Variants in GLG1 observed in about 807,000 individuals in gnomAD.
GLG1 encodes golgi glycoprotein 1.
In GLG1, 38 loss-of-function variants were observed where a neutral mutation model predicts 160.5. That is an observed-to-expected ratio of 0.24 (90% CI 0.18 to 0.31). The LOEUF is 0.31. Among genes scored for constraint, GLG1 ranks in the 10% least tolerant of loss-of-function variants. The pLI, the probability that GLG1 is intolerant of heterozygous loss-of-function variation, is 1.00. For missense variants in GLG1, 1,373 were observed against 1,505.2 expected (o/e 0.91, Z 1.45); for synonymous variants, 644 against 543.4 (o/e 1.19, Z -2.57).
intron 1 of GLG1, among the ~76,000 whole-genome samples, chr16:74,555,844 T>C (rs1378103585): frequency 6.6e-6 from 1 of 151,658 alleles, no homozygotes; most frequent in Non-Finnish European, 1.5e-5. Flanking sequence ...TTTTTTTCTT[T>C]TTCTTTTGAG....
chr16:74,589,256 CA>C (rs11311925), intron 1 of GLG1, among the ~76,000 whole-genome samples: 100,961 of 140,560 alleles, frequency 0.72, 35,528 homozygotes, highest in African/African-American at 0.83. Flanking sequence ...CTCTCTGTCT[CA>C]AAAAAAAAAA....
chr16:74,474,299 T>C (rs1250527080), intron 13 of GLG1: 1 of 416,078 alleles, frequency 2.4e-6, no homozygotes, highest in African/African-American at 2.0e-5. Context: ...CTAATGACTA[T>C]GATAAACCTA....
At chr16:74,487,905 G>A (rs1401509979) in intron 8 of GLG1, among the ~76,000 whole-genome samples, 1 of 151,934 alleles carries the variant, frequency 6.6e-6, no homozygotes, top group Non-Finnish European at 1.5e-5. Flanking sequence ...AATGTGAACT[G>A]CTACATGATT....
Position 74,606,756 on chromosome 16 carries a change from C to A in GLG1, c.339G>T (p.Ala113=), listed in dbSNP as rs767689910. 6.2e-7 allele frequency: 1 copy of A among 1,613,212 alleles called. No homozygotes were observed. Among genetic ancestry groups the A allele is most frequent in the South Asian group, 1.1e-5 (1 of 91,024 alleles). The part of the protein sequence containing the change: ...GAGAGGGWKL[A]EEESCREDVT... ...CGTCCTCCCTGCAGGACTCTTCCTC[C>A]GCCAGCTTCCAGCCCCCACCAGCCC... Residue 113 remains alanine, a synonymous_variant, in exon 1 of 26, where the codon GCG becomes GCT. Transcript: ENST00000422840.
At chr16:74,525,096 T>G (rs1482381803) in intron 2 of GLG1, among the ~76,000 whole-genome samples, 3 of 152,240 alleles carry the variant, frequency 2.0e-5, no homozygotes, top group African/African-American at 7.2e-5. Flanking sequence ...TTACTAATAA[T>G]GCTGCTATGA....
intron 1 of GLG1, among the ~76,000 whole-genome samples, chr16:74,605,206 C>G (rs1262635451): frequency 6.6e-6 from 1 of 151,678 alleles, no homozygotes; most frequent in Non-Finnish European, 1.5e-5. Context: ...CCAAAACCCC[C>G]ATTTCCAATT....
chr16:74,530,271 C>G (rs564074097), intron 2 of GLG1, among the ~76,000 whole-genome samples: 10 of 152,164 alleles, frequency 6.6e-5, no homozygotes, highest in Non-Finnish European at 1.5e-4. Flanking sequence ...TTTTAACTAT[C>G]CATAAATTCA....
intron 1 of GLG1, among the ~76,000 whole-genome samples, chr16:74,592,913 G>C (rs1365974934): frequency 6.6e-6 from 1 of 152,106 alleles, no homozygotes; most frequent in Non-Finnish European, 1.5e-5. Flanking sequence ...ACCTTTAAGA[G>C]CTCACTAGGT....
At chr16:74,465,562 G>T in intron 19 of GLG1, 114 bp downstream of exon 19, 1 of 1,030,430 alleles carries the variant, frequency 9.7e-7, no homozygotes, top group Non-Finnish European at 1.4e-6. Context: ...TGCTGCTGCT[G>T]CTCGTCTAGG....
At chr16:74,524,521 C>T (rs1035641424) in intron 2 of GLG1, among the ~76,000 whole-genome samples, 2 of 150,344 alleles carry the variant, frequency 1.3e-5, no homozygotes, top group Non-Finnish European at 1.5e-5. Context: ...TAAGATATGA[C>T]AACAGTACTA....
intron 1 of GLG1, among the ~76,000 whole-genome samples, chr16:74,559,081 G>C (rs1055562622): frequency 6.6e-6 from 1 of 152,014 alleles, no homozygotes; most frequent in African/African-American, 2.4e-5. Flanking sequence ...ATGTTGCCCA[G>C]GCTGGTCATG....
intron 1 of GLG1, among the ~76,000 whole-genome samples, chr16:74,572,531 A>C (rs192716186): frequency 0.055 from 8,303 of 150,760 alleles, 405 homozygotes; most frequent in Middle Eastern, 0.078. Flanking sequence ...AACAAACAAA[A>C]AAAAAAAAAC....
chr16:74,570,494 A>G (rs2018793762), intron 1 of GLG1, among the ~76,000 whole-genome samples: 1 of 147,182 alleles, frequency 6.8e-6, no homozygotes, highest in Admixed American at 7.0e-5. Flanking sequence ...ATATATTCCA[A>G]CCTAAAATTC....
Position 74,607,056 on chromosome 16 carries a change from C to G in GLG1, c.39G>C (p.Leu13Phe). Residue 13 changes from leucine (L) to phenylalanine (F), a missense_variant, in exon 1 of 26, where the codon TTG (leucine) becomes TTC (phenylalanine). Physicochemically the swap from Leu to Phe is conservative, Grantham distance 22. Around this residue, in one of 4 missense-constraint regions of GLG1, gnomAD observed 322 missense variants for 254.6 expected, o/e 1.26. Coordinates refer to ENST00000422840, the MANE Select transcript of GLG1 (RefSeq NM_001145667.2). ...GCAGCAGCAGATGCAGCGCCGCCGA[C>G]AAGCGGAACATCCTCCGTACACGTC... ...ACGRVRRMFR[L>F]SAALHLLLLF... The G allele has an allele frequency of 1.3e-6, 2 of 1,587,176 alleles. No homozygotes were observed. The highest frequency in any genetic ancestry group is 1.7e-6 in the Non-Finnish European group (2 of 1,169,716).
At chr16:74,475,895 A>C (rs1225935536) in intron 12 of GLG1, among the ~76,000 whole-genome samples, 1 of 152,132 alleles carries the variant, frequency 6.6e-6, no homozygotes, top group African/African-American at 2.4e-5. Context: ...TATTAATAGA[A>C]TCCTGGCTGG....
At position 74,493,197 on chromosome 16, in the gene GLG1, G is replaced by A. The variant is rs188799760; in HGVS notation, c.1051-57C>T. ...CCACTCATGTAACTTTACTGTTGACGTGTACCACTAAGATGAGCACAGCGA... is the reference window on the plus strand; with the variant it reads ...CCACTCATGTAACTTTACTGTTGACATGTACCACTAAGATGAGCACAGCGA... On this transcript the variant is annotated intron_variant, in intron 6 of 25. Transcript: ENST00000422840. 291 of 1,192,178 alleles carry A rather than the reference G, an allele frequency of 2.4e-4. No homozygotes were observed. The African/African-American group carries it at 4.0e-3, about 16-fold the overall frequency. The allele number at this position is 1,192,178 out of a possible 1,614,324, so 73.8% of individuals were successfully genotyped here.
At chr16:74,545,039 T>C (rs1202966559) in intron 1 of GLG1, among the ~76,000 whole-genome samples, 2 of 90 alleles carry the variant, frequency 0.022, no homozygotes, top group Non-Finnish European at 0.028. Flanking sequence ...TGCAGATATG[T>C]AGATTCTGGC....
intron 2 of GLG1, among the ~76,000 whole-genome samples, chr16:74,521,837 G>A (rs2017174724): frequency 6.6e-6 from 1 of 152,172 alleles, no homozygotes; most frequent in Admixed American, 6.5e-5. Context: ...TGTGACTATT[G>A]TCTAGTCACA....
chr16:74,590,621 C>CAAA (rs11321370), intron 1 of GLG1, among the ~76,000 whole-genome samples: 2 of 76,258 alleles, frequency 2.6e-5, no homozygotes, highest in African/African-American at 5.8e-5. Context: ...ACTCCGTCTC[C>CAAA]AAAAAAAAAA....
Sources: gnomAD v4.1 joint callset for allele counts (sites outside exome capture counted in the v4.1 genomes callset) on GRCh38, gnomAD v4.1.1 for gene constraint, gnomAD v4.1.1 regional missense constraint, MANE v1.5 for transcripts, NCBI Gene and HGNC (gene_info 2026-07-23, HGNC 2026-07-21) for gene names.